The following SLC12A2 variants were observed in gnomAD, a reference collection of about 807,000 sequenced individuals.
SLC12A2 encodes the protein solute carrier family 12 member 2.
A neutral mutation model predicts 136.3 loss-of-function variants in SLC12A2; 67 were observed. The observed-to-expected ratio is 0.49, with a 90% CI of 0.40 to 0.60. The LOEUF is 0.60. Among genes scored for constraint, SLC12A2 ranks in the 20% least tolerant of loss-of-function variants. The pLI is 0.00. For synonymous variants in SLC12A2, 619 were observed against 562.9 expected, an observed-to-expected ratio of 1.10 and a Z score of -1.41; for missense variants, 1,322 against 1,534.7, an observed-to-expected ratio of 0.86 and a Z score of 2.32.
At chr5:128,181,776 G>A (rs1561708603) in intron 23 of SLC12A2, among the ~76,000 whole-genome samples, 2 of 152,020 alleles carry the variant, frequency 1.3e-5, no homozygotes, top group East Asian at 1.9e-4. Flanking sequence ...TTTTCCCTAT[G>A]CTCTAAACAT....
chr5:128,127,195 C>T (rs1277262583), intron 4 of SLC12A2, among the ~76,000 whole-genome samples: 5 of 134,760 alleles, frequency 3.7e-5, no homozygotes, highest in Non-Finnish European at 7.6e-5. Context: ...GATCTCGGCT[C>T]ACTGCAAGCT....
At position 128,100,346 on chromosome 5, in the gene SLC12A2, C is replaced by T. The variant is rs546657691; in HGVS notation, c.757-12468C>T. Among the ~76,000 whole-genome samples, 3 of 152,224 alleles carry T rather than the reference C, an allele frequency of 2.0e-5. No individual in the cohort carries two copies. The South Asian group carries it at 6.2e-4, about 32-fold the overall frequency. On this transcript the variant is annotated intron_variant, in intron 1 of 26. Coordinates refer to ENST00000262461, the MANE Select transcript of SLC12A2 (RefSeq NM_001046.3). ...CTTATATGAAAAATGGGAAAGGTGA[C>T]AGAGCTAGAGTATCCCTAATCTGAA... is the stretch of plus-strand genomic sequence containing the variant.
intron 20 of SLC12A2, among the ~76,000 whole-genome samples, chr5:128,175,116 A>G (rs891358431): frequency 6.6e-6 from 1 of 152,068 alleles, no homozygotes; most frequent in Non-Finnish European, 1.5e-5. Flanking sequence ...TGTTCAGTCT[A>G]GTATCTCCAT....
chr5:128,121,544 G>A lies in SLC12A2; in HGVS notation c.1048+6863G>A, dbSNP rs754302113. Among the ~76,000 whole-genome samples, 6 of 151,874 alleles carry A rather than the reference G, an allele frequency of 4.0e-5. No homozygotes were observed. The East Asian group carries it at 7.7e-4, about 20-fold the overall frequency. On this transcript the variant is annotated intron_variant, in intron 4 of 26. Transcript: ENST00000262461. ...TCATTGTGTGAGCCAGGATGGTCTC[G>A]ATCTCCTGATCTCGTGATCTGCCCG...
Position 128,084,671 on chromosome 5 carries a change from C to T in SLC12A2, c.717C>T (p.Leu239=), listed in dbSNP as rs747696861. The T allele has an allele frequency of 6.2e-6, 10 of 1,610,184 alleles. No individual in the cohort carries two copies. The highest frequency in any genetic ancestry group is 8.5e-6 in the Non-Finnish European group (10 of 1,178,098). The change falls in exon 1 of 27, where the codon CTC becomes CTT. Residue 239 remains leucine (L), a synonymous_variant. Transcript: ENST00000262461. This position sits in a 1 kb window ranked among gnomAD's most constrained non-coding sequence, Gnocchi z 5.6. Reference sequence around the variant, plus strand: ...CCGCGCAGCTGGGCGAGAAGCTGCTCCGGCCTAGCCTGGCGGAGCTCCACG... The same window carrying T: ...CCGCGCAGCTGGGCGAGAAGCTGCTTCGGCCTAGCCTGGCGGAGCTCCACG... The part of the protein sequence containing the change: ...HTAAQLGEKL[L]RPSLAELHDE...
At chr5:128,102,217 T>C (rs1760762144) in intron 1 of SLC12A2, among the ~76,000 whole-genome samples, 1 of 152,140 alleles carries the variant, frequency 6.6e-6, no homozygotes, top group African/African-American at 2.4e-5. Context: ...GTATTTTTTA[T>C]TGTGGAATCT....
At chr5:128,087,483 T>C (rs1441616122) in intron 1 of SLC12A2, among the ~76,000 whole-genome samples, 2 of 152,192 alleles carry the variant, frequency 1.3e-5, no homozygotes, top group Non-Finnish European at 2.9e-5. Context: ...TTGAGAAGTA[T>C]GACATTGAAG....
chr5:128,131,762 A>G (rs939432974), intron 5 of SLC12A2, among the ~76,000 whole-genome samples: 5 of 151,970 alleles, frequency 3.3e-5, no homozygotes, highest in African/African-American at 1.2e-4. Context: ...TCTCAGTACT[A>G]TGGGAGGCAG....
chr5:128,165,436 T>G (rs1342255718), intron 17 of SLC12A2, among the ~76,000 whole-genome samples: 3 of 152,204 alleles, frequency 2.0e-5, no homozygotes, highest in African/African-American at 7.2e-5. Context: ...TGTTTGAAAT[T>G]CGTGCAATAA....
intron 9 of SLC12A2, 23 bp downstream of exon 9, chr5:128,138,931 A>G (rs1156889310): frequency 3.3e-6 from 5 of 1,517,818 alleles, no homozygotes; most frequent in Admixed American, 1.7e-5. Flanking sequence ...ACATTTCTTT[A>G]TGTGTCGCAG....
intron 22 of SLC12A2, among the ~76,000 whole-genome samples, chr5:128,179,288 T>C (rs899720074): frequency 1.3e-5 from 2 of 152,210 alleles, no homozygotes; most frequent in Admixed American, 1.3e-4. Flanking sequence ...TGTATTGTTA[T>C]TGTTGTGGTT....
At chr5:128,186,031 G>A (rs943954418) in intron 26 of SLC12A2, among the ~76,000 whole-genome samples, 8 of 151,952 alleles carry the variant, frequency 5.3e-5, no homozygotes, top group African/African-American at 1.9e-4. Flanking sequence ...TCCAGCCTGG[G>A]CAATGTATTA....
chr5:128,117,469 T>A (rs1761390945), intron 4 of SLC12A2, among the ~76,000 whole-genome samples: 1 of 152,212 alleles, frequency 6.6e-6, no homozygotes, highest in South Asian at 2.1e-4. Flanking sequence ...CCTGAAAGGT[T>A]TCTTTCCTCA....
chr5:128,159,741 G>C (rs1174751099), intron 16 of SLC12A2, among the ~76,000 whole-genome samples: 1 of 152,178 alleles, frequency 6.6e-6, no homozygotes, highest in Non-Finnish European at 1.5e-5. Context: ...AGGAACAACA[G>C]ATGCTGGCAA....
intron 15 of SLC12A2, among the ~76,000 whole-genome samples, chr5:128,153,255 G>A (rs1480944078): frequency 6.6e-6 from 1 of 152,144 alleles, no homozygotes. Flanking sequence ...ATGACTTTAA[G>A]AATATATTAT....
chr5:128,134,836 A>G (rs368443835), intron 6 of SLC12A2, among the ~76,000 whole-genome samples: 3 of 152,246 alleles, frequency 2.0e-5, no homozygotes, highest in South Asian at 2.1e-4. Flanking sequence ...AGTAATGGAT[A>G]TCCACAAAGG....
At chr5:128,125,353 G>A (rs1761748098) in intron 4 of SLC12A2, among the ~76,000 whole-genome samples, 1 of 152,182 alleles carries the variant, frequency 6.6e-6, no homozygotes, top group Non-Finnish European at 1.5e-5. Context: ...CAGTGGAAGT[G>A]TATGGAGAGA....
At position 128,158,167 on chromosome 5, in the gene SLC12A2, A is replaced by G; in HGVS notation, c.2475+3A>G. ...TGATCTGTGGCCATGTACATATGGTAAGTATCAATTTTGTTTTCTTTTTCA... is the reference window on the plus strand; with the variant it reads ...TGATCTGTGGCCATGTACATATGGTGAGTATCAATTTTGTTTTCTTTTTCA... On this transcript the variant is annotated splice_donor_region_variant and intron_variant, in intron 16 of 26. Transcript: ENST00000262461. 1 of 1,592,892 alleles carries G rather than the reference A, an allele frequency of 6.3e-7. No individual in the cohort carries two copies. Among genetic ancestry groups the G allele is most frequent in the Non-Finnish European group, 8.5e-7 (1 of 1,170,300 alleles).
chr5:128,141,746 C>T, intron 9 of SLC12A2, 84 bp from the exon 10 acceptor site: 1 of 1,174,384 alleles, frequency 8.5e-7, no homozygotes, highest in Non-Finnish European at 1.2e-6. Flanking sequence ...ACTTTGGTTT[C>T]TTTATAAATA....
Sources: allele counts gnomAD v4.1 joint callset (sites outside exome capture counted in the v4.1 genomes callset), GRCh38; gene constraint gnomAD v4.1.1; non-coding constraint Gnocchi (gnomAD v3.1); transcripts MANE v1.5; gene names NCBI Gene and HGNC (gene_info 2026-07-23, HGNC 2026-07-21).